The following FAM120B variants were observed in gnomAD, a reference collection of about 807,000 sequenced individuals.
FAM120B encodes constitutive coactivator of peroxisome proliferator-activated receptor gamma.
A neutral mutation model predicts 96.3 loss-of-function variants in FAM120B; 83 were observed. That is an observed-to-expected ratio of 0.86 (90% confidence interval 0.72 to 1.03). FAM120B has a LOEUF of 1.03. Ranked by LOEUF, FAM120B falls within the 50% of genes least tolerant of loss-of-function variation. The pLI is 0.00. For synonymous variants in FAM120B, 407 were observed against 402.7 expected (o/e 1.01, Z -0.13); for missense variants, 1,027 against 1,121.2 (o/e 0.92, Z 1.20).
At chr6:170,404,374 G>A (rs1778726876) in intron 9 of FAM120B, 176 bp from the exon 10 acceptor site, 2 of 527,820 alleles carry the variant, frequency 3.8e-6, no homozygotes, top group Admixed American at 7.2e-5. Flanking sequence ...CACTTTAATG[G>A]AATAATTATG....
At chr6:170,404,125 C>A (rs1401921739) in intron 9 of FAM120B, 1 of 165,638 alleles carries the variant, frequency 6.0e-6, no homozygotes, top group Non-Finnish European at 1.3e-5. Flanking sequence ...CCCAACGTTC[C>A]CTGTCTATCA....
upstream of FAM120B, among the ~76,000 whole-genome samples, chr6:170,302,790 G>A (rs1784169387): frequency 1.3e-5 from 2 of 152,216 alleles, no homozygotes; most frequent in Admixed American, 6.5e-5. Context: ...AGAGCACAGG[G>A]AAGTGCTTGC....
chr6:170,378,493 T>C (rs2115277048), intron 6 of FAM120B, among the ~76,000 whole-genome samples: 1 of 152,314 alleles, frequency 6.6e-6, no homozygotes, highest in South Asian at 2.1e-4. Context: ...ATTCCGTTTG[T>C]TGAAAACAGT....
intron 4 of FAM120B, among the ~76,000 whole-genome samples, chr6:170,335,794 C>G (rs887465136): frequency 1.3e-5 from 2 of 152,222 alleles, no homozygotes; most frequent in Non-Finnish European, 2.9e-5. Context: ...TTGCATTTCT[C>G]TAATGACCAG....
Position 170,363,076 on chromosome 6 carries a change from C to T in FAM120B, c.2283+4758C>T, listed in dbSNP as rs924517891. ...CTTTGCCCCATCAGTTTATCTTTGCCGTGTCAGGGCTCTGAAAGCCACAAA... is the reference window on the plus strand; with the variant it reads ...CTTTGCCCCATCAGTTTATCTTTGCTGTGTCAGGGCTCTGAAAGCCACAAA... On this transcript the variant is annotated intron_variant, in intron 6 of 10. Coordinates refer to ENST00000476287, the MANE Select transcript of FAM120B (RefSeq NM_032448.3). The surrounding 1 kb of genome is among the most constrained non-coding windows in gnomAD (Gnocchi z 4.5). Among the ~76,000 whole-genome samples the T allele has an allele frequency of 1.3e-5, 2 of 152,078 alleles. No individual in the cohort carries two copies. Among genetic ancestry groups the T allele is most frequent in the Non-Finnish European group, 2.9e-5 (2 of 68,012 alleles).
At chr6:170,290,938 C>T, upstream of FAM120B, 2 of 698,850 alleles carry the variant, frequency 2.9e-6, no homozygotes, top group Non-Finnish European at 5.2e-6. The surrounding 1 kb of genome is among the most constrained non-coding windows in gnomAD (Gnocchi z 4.7). Context: ...TGGCTCTCGC[C>T]GGCGCCTGCC....
chr6:170,296,200 G>T (rs1454200304), intron 1 of FAM120B, among the ~76,000 whole-genome samples: 1 of 152,102 alleles, frequency 6.6e-6, no homozygotes, highest in Non-Finnish European at 1.5e-5. Flanking sequence ...TGAACGCGCC[G>T]GGACCCGGGG....
chr6:170,386,697 C>T lies in FAM120B; in HGVS notation c.2284-1590C>T, dbSNP rs530858114. 8.5e-5 allele frequency among the ~76,000 whole-genome samples: 13 copies of T among 152,342 alleles called. No individual in the cohort carries two copies. In the South Asian group the frequency reaches 1.9e-3, roughly 22 times the overall value. ...GAAGGAGGAACCAGCAGCTGTGCTA[C>T]GCCCTTTCTTCCAGAGAGCAGAAGA... On this transcript the variant is annotated intron_variant, in intron 6 of 10. Transcript: ENST00000476287.
intron 6 of FAM120B, among the ~76,000 whole-genome samples, chr6:170,378,002 G>A (rs1222203062): frequency 6.6e-6 from 1 of 150,634 alleles, no homozygotes; most frequent in Admixed American, 6.6e-5. Context: ...AAAGGGAAAT[G>A]TTTATGTTTT....
intron 6 of FAM120B, among the ~76,000 whole-genome samples, chr6:170,375,763 A>C (rs1453655846): frequency 6.6e-6 from 1 of 152,200 alleles, no homozygotes; most frequent in Admixed American, 6.5e-5. Flanking sequence ...TAGGAGACGC[A>C]CAGGGCACGG....
chr6:170,380,666 G>T (rs943029493), intron 6 of FAM120B, among the ~76,000 whole-genome samples: 3 of 152,166 alleles, frequency 2.0e-5, no homozygotes, highest in African/African-American at 2.4e-5. Context: ...ATGTCTATTC[G>T]TGTCCTTTGC....
chr6:170,377,683 A>C (rs1236732806), intron 6 of FAM120B, among the ~76,000 whole-genome samples: 23 of 105,850 alleles, frequency 2.2e-4, no homozygotes, highest in Non-Finnish European at 3.6e-4. Flanking sequence ...CTGGGAGAAC[A>C]CAGGCTCACG....
At chr6:170,394,034 G>A (rs1790602793) in intron 8 of FAM120B, among the ~76,000 whole-genome samples, 1 of 152,240 alleles carries the variant, frequency 6.6e-6, no homozygotes, top group Admixed American at 6.5e-5. Context: ...GAGGTGAGCT[G>A]GAGACCACGT....
At chr6:170,380,513 T>TA (rs1434087221) in intron 6 of FAM120B, among the ~76,000 whole-genome samples, 8 of 152,208 alleles carry the variant, frequency 5.3e-5, no homozygotes, top group Non-Finnish European at 1.0e-4. Flanking sequence ...CACCAGCACT[T>TA]ATCTCTTGTC....
intron 4 of FAM120B, among the ~76,000 whole-genome samples, chr6:170,346,093 C>T (rs1052046287): frequency 1.3e-5 from 2 of 152,080 alleles, no homozygotes; most frequent in South Asian, 2.1e-4. Context: ...TGTGATCTTA[C>T]GGGACCACCA....
intron 4 of FAM120B, among the ~76,000 whole-genome samples, chr6:170,344,726 C>T (rs1787066740): frequency 6.6e-6 from 1 of 152,198 alleles, no homozygotes; most frequent in East Asian, 1.9e-4. Flanking sequence ...CACCTCTTTG[C>T]CTGCCTCTTG....
At chr6:170,346,975 TTC>T (rs1358039922) in intron 4 of FAM120B, among the ~76,000 whole-genome samples, 2 of 152,222 alleles carry the variant, frequency 1.3e-5, no homozygotes, top group African/African-American at 4.8e-5. Context: ...AATATGTTTT[TTC>T]TCTCTCCAAA....
chr6:170,317,383 G>A lies in FAM120B; in HGVS notation c.-8G>A, dbSNP rs779095005. The A allele has an allele frequency of 6.3e-7, 1 of 1,596,696 alleles. No individual in the cohort carries two copies. Among genetic ancestry groups the A allele is most frequent in the Non-Finnish European group, 8.6e-7 (1 of 1,166,270 alleles). On this transcript the variant is annotated 5_prime_UTR_variant, in exon 2 of 11. Transcript: ENST00000476287. ...CTTTCTTTCCAGATCCTTTCCCGGA[G>A]TTCAGTTATGGGTGTGAGAGGTTTG...
intron 1 of FAM120B, among the ~76,000 whole-genome samples, chr6:170,297,684 G>A (rs557684116): frequency 4.6e-5 from 7 of 152,304 alleles, no homozygotes; most frequent in African/African-American, 1.4e-4. Context: ...GAGGTTGGGG[G>A]CCCGTGCTGG....
Sources: allele counts gnomAD v4.1 joint callset (sites outside exome capture counted in the v4.1 genomes callset), GRCh38; gene constraint gnomAD v4.1.1; non-coding constraint Gnocchi (gnomAD v3.1); transcripts MANE v1.5; gene names NCBI Gene and HGNC (gene_info 2026-07-23, HGNC 2026-07-21).